Variants in ELF2 observed in about 807,000 individuals in gnomAD.
The protein encoded by ELF2 is E74 like ETS transcription factor 2, also known as ETS-related transcription factor Elf-2.
A neutral mutation model predicts 54.8 loss-of-function variants in ELF2; 11 were observed. That is an observed-to-expected ratio of 0.20 (90% confidence interval 0.13 to 0.33). The LOEUF (loss-of-function observed/expected upper bound fraction) is 0.33, where lower values mean the gene tolerates loss of function less well. Ranked by LOEUF, ELF2 falls within the 10% of genes least tolerant of loss-of-function variation. ELF2 has a pLI of 1.00. For synonymous variants in ELF2, 203 were observed against 245.1 expected, an observed-to-expected ratio of 0.83 and a Z score of 1.61; for missense variants, 513 against 703.0, an observed-to-expected ratio of 0.73 and a Z score of 3.06.
chr4:139,096,677 G>A (rs1350966449), intron 4 of ELF2, among the ~76,000 whole-genome samples: 1 of 144,466 alleles, frequency 6.9e-6, no homozygotes, highest in East Asian at 2.0e-4. Context: ...TCACCATGTT[G>A]CAGGCTGGTC....
chr4:139,104,508 C>CAAAAAAAAAAA (rs34642901), intron 4 of ELF2, among the ~76,000 whole-genome samples: 11 of 76,676 alleles, frequency 1.4e-4, no homozygotes, highest in East Asian at 9.8e-4. Context: ...GACTCTGTCT[C>CAAAAAAAAAAA]AAAAAAAAAA....
At chr4:139,134,680 C>A (rs1307115309) in intron 3 of ELF2, among the ~76,000 whole-genome samples, 1 of 148,232 alleles carries the variant, frequency 6.7e-6, no homozygotes, top group Non-Finnish European at 1.5e-5. Context: ...CCAGGCTGGT[C>A]TTGAAGTCCT....
intron 1 of ELF2, chr4:139,155,082 C>T (rs983707935): frequency 6.6e-6 from 1 of 152,168 alleles, no homozygotes; most frequent in South Asian, 2.1e-4. Context: ...CTTCTTGGTT[C>T]ACATGGTATA....
intron 1 of ELF2, among the ~76,000 whole-genome samples, chr4:139,164,140 AGAGAG>A (rs1265322176): frequency 2.9e-5 from 4 of 136,020 alleles, no homozygotes; most frequent in Non-Finnish European, 6.9e-5. Flanking sequence ...AAGAGAAAGA[AGAGAG>A]AGAAAGAAAG....
intron 1 of ELF2, among the ~76,000 whole-genome samples, chr4:139,162,576 T>A (rs2148903066): frequency 6.6e-6 from 1 of 152,218 alleles, no homozygotes; most frequent in East Asian, 1.9e-4. Context: ...ATGGAATAAA[T>A]GTTTATAAAT....
intron 4 of ELF2, among the ~76,000 whole-genome samples, chr4:139,106,708 T>A (rs955503610): frequency 7.3e-5 from 11 of 151,456 alleles, no homozygotes; most frequent in African/African-American, 2.7e-4. Flanking sequence ...TTGATATATA[T>A]CACAATTTAA....
chr4:139,112,728 A>T (rs1735082594), intron 4 of ELF2, among the ~76,000 whole-genome samples: 1 of 152,006 alleles, frequency 6.6e-6, no homozygotes, highest in Non-Finnish European at 1.5e-5. Context: ...TTTAGTATTT[A>T]TTGATCATTC....
rs149185439 is a variant in ELF2 at position 139,158,003 on chromosome 4, A to C, written c.-251-18506T>G. 1.4e-4 allele frequency among the ~76,000 whole-genome samples: 22 copies of C among 152,320 alleles called. 1 individual carries two copies. In the East Asian group the frequency reaches 3.7e-3, roughly 25 times the overall value. ...TCGCATCCGTGTGAAGAGACCACCA[A>C]ACAGGCTTTGTGTGAGCAACAAGGC... On this transcript the variant is annotated intron_variant, in intron 1 of 9. Coordinates refer to ENST00000686138, the MANE Select transcript of ELF2 (RefSeq NM_001331036.3).
chr4:139,134,109 C>T (rs1318265257), intron 3 of ELF2, among the ~76,000 whole-genome samples: 1 of 152,148 alleles, frequency 6.6e-6, no homozygotes, highest in African/African-American at 2.4e-5. Context: ...TTCACAGATT[C>T]ACTTTACCAG....
chr4:139,097,556 TC>T (rs1560807049), intron 4 of ELF2, among the ~76,000 whole-genome samples: 8 of 149,732 alleles, frequency 5.3e-5, no homozygotes, highest in Admixed American at 4.0e-4. Context: ...GGCAGAGGTT[TC>T]AATGAGCCAA....
At chr4:139,103,420 C>T (rs1734113889) in intron 4 of ELF2, among the ~76,000 whole-genome samples, 1 of 152,178 alleles carries the variant, frequency 6.6e-6, no homozygotes, top group African/African-American at 2.4e-5. Context: ...GGAAACAGGG[C>T]TGAAGGTTAA....
chr4:139,074,836 G>A (rs1364861073), intron 4 of ELF2, among the ~76,000 whole-genome samples: 1 of 151,978 alleles, frequency 6.6e-6, no homozygotes, highest in Non-Finnish European at 1.5e-5. Flanking sequence ...AAAATACAGT[G>A]TAAATACTAC....
At chr4:139,133,839 T>G (rs1034277968) in intron 3 of ELF2, among the ~76,000 whole-genome samples, 5 of 152,200 alleles carry the variant, frequency 3.3e-5, no homozygotes, top group African/African-American at 1.2e-4. Context: ...TATAAATAAT[T>G]GCTTTGTATA....
At chr4:139,164,090 G>C (rs542792018) in intron 1 of ELF2, among the ~76,000 whole-genome samples, 2 of 149,264 alleles carry the variant, frequency 1.3e-5, no homozygotes, top group South Asian at 4.3e-4. Context: ...GAGGGAGGGA[G>C]AGAGGGAGAG....
chr4:139,080,745 T>G (rs1184151612), intron 4 of ELF2, among the ~76,000 whole-genome samples: 1 of 152,128 alleles, frequency 6.6e-6, no homozygotes, highest in Non-Finnish European at 1.5e-5. Flanking sequence ...GCTAGACATT[T>G]GTTTTTCCTA....
chr4:139,163,310 C>T (rs1560886157), intron 1 of ELF2, among the ~76,000 whole-genome samples: 2 of 151,678 alleles, frequency 1.3e-5, no homozygotes, highest in African/African-American at 4.8e-5. Flanking sequence ...AAAAGAATAA[C>T]TGTAAATTCA....
intron 4 of ELF2, among the ~76,000 whole-genome samples, chr4:139,094,179 G>A (rs981025761): frequency 4.6e-5 from 7 of 152,070 alleles, no homozygotes; most frequent in East Asian, 1.9e-4. Context: ...GATTACAGGC[G>A]TGAGCCACCA....
At chr4:139,102,683 A>AT (rs1202063138) in intron 4 of ELF2, among the ~76,000 whole-genome samples, 2 of 137,340 alleles carry the variant, frequency 1.5e-5, no homozygotes, top group Non-Finnish European at 3.2e-5. Flanking sequence ...TCTACTAAAA[A>AT]TAAAAAAATT....
intron 7 of ELF2, chr4:139,065,968 C>A (rs1728635349): frequency 6.7e-6 from 1 of 148,886 alleles, no homozygotes; most frequent in Admixed American, 6.7e-5. Context: ...CTAAGCCTCT[C>A]CCAAATTGGG....
Sources: allele counts gnomAD v4.1 joint callset (sites outside exome capture counted in the v4.1 genomes callset), GRCh38; gene constraint gnomAD v4.1.1; transcripts MANE v1.5; gene names NCBI Gene and HGNC (gene_info 2026-07-23, HGNC 2026-07-21).